The following UGT1A8 variants were observed in gnomAD, a reference collection of about 807,000 sequenced individuals.
The protein encoded by UGT1A8 is UDP glucuronosyltransferase family 1 member A8, also known as UDP-glucuronosyltransferase 1A8.
A neutral mutation model predicts 45.3 loss-of-function variants in UGT1A8; 39 were observed. That is an observed-to-expected ratio of 0.86 (90% confidence interval 0.67 to 1.12). The LOEUF is 1.12. Among genes scored for constraint, UGT1A8 ranks in the 50% most tolerant of loss-of-function variants. The pLI is 0.00. For synonymous variants in UGT1A8, 275 were observed against 249.2 expected (o/e 1.10, Z -0.97); for missense variants, 719 against 664.9 (o/e 1.08, Z -0.90).
chr2:233,626,307 AT>A (rs61214531), intron 1 of UGT1A8, among the ~76,000 whole-genome samples: 5 of 148,656 alleles, frequency 3.4e-5, no homozygotes, highest in African/African-American at 9.8e-5. Flanking sequence ...GTGTAAGGCC[AT>A]TTTTTTTTTC....
In UGT1A8 at chr2:233,640,242, C is replaced by A. The variant is rs11902812; in HGVS notation, c.855+21680C>A. Among the ~76,000 whole-genome samples the A allele has an allele frequency of 5.0e-3, 756 of 152,232 alleles. 6 individuals are homozygous for A. The highest frequency in any genetic ancestry group is 0.017 in the African/African-American group (716 of 41,542). On this transcript the variant is annotated intron_variant, in intron 1 of 4. Transcript: ENST00000373450. ...TGAAAAGACTATAGTGTAATGTGCA[C>A]CTGTATATCAATCCTTAGGCTAAAT...
intron 1 of UGT1A8, among the ~76,000 whole-genome samples, chr2:233,697,345 G>A (rs1268533555): frequency 1.3e-5 from 2 of 151,914 alleles, no homozygotes; most frequent in Non-Finnish European, 2.9e-5. Context: ...TTTCCTCTAG[G>A]TTTTCTAATT....
intron 1 of UGT1A8, among the ~76,000 whole-genome samples, chr2:233,703,429 CTCTATT>C (rs2075738340): frequency 6.6e-6 from 1 of 151,928 alleles, no homozygotes; most frequent in Admixed American, 6.6e-5. Context: ...TCTATTGCTT[CTCTATT>C]TCTATGTCGT....
At position 233,682,539 on chromosome 2, in the gene UGT1A8, T is replaced by A. The variant is rs138921290; in HGVS notation, c.855+63977T>A. ...CTTCTCTTAGGGTTCTCAGACGCCA[T>A]GACTTTCAAGGAGAGAGTATGGAAC... On this transcript the variant is annotated intron_variant, in intron 1 of 4. Coordinates refer to ENST00000373450, the MANE Select transcript of UGT1A8 (RefSeq NM_019076.5). 6.2e-7 allele frequency: 1 copy of A among 1,613,944 alleles called. No homozygotes were observed. Among genetic ancestry groups the A allele is most frequent in the South Asian group, 1.1e-5 (1 of 91,076 alleles).
intron 1 of UGT1A8, chr2:233,744,085 T>A: frequency 2.3e-6 from 1 of 436,802 alleles, no homozygotes; most frequent in Non-Finnish European, 3.9e-6. Flanking sequence ...CATCCCAAGA[T>A]GCAGTGCTTC....
intron 1 of UGT1A8, chr2:233,747,623 G>T: frequency 6.3e-7 from 1 of 1,577,752 alleles, no homozygotes; most frequent in Admixed American, 1.7e-5. Context: ...ATGAGGCCCT[G>T]ATCAGGCACC....
intron 1 of UGT1A8, among the ~76,000 whole-genome samples, chr2:233,650,788 G>A (rs1271373670): frequency 6.6e-6 from 1 of 152,046 alleles, no homozygotes; most frequent in African/African-American, 2.4e-5. Flanking sequence ...ATTCAGACAT[G>A]TTTTAACAAG....
chr2:233,719,731 A>G (rs906516699), intron 1 of UGT1A8: 3 of 1,613,372 alleles, frequency 1.9e-6, no homozygotes, highest in African/African-American at 2.7e-5. Flanking sequence ...CAGGCAAAAC[A>G]CTTTTTAAAA....
chr2:233,767,714 TCA>T (rs1424650372), intron 2 of UGT1A8, 133 bp from the exon 3 acceptor site: 27 of 1,536,346 alleles, frequency 1.8e-5, no homozygotes, highest in Non-Finnish European at 2.3e-5. Flanking sequence ...TCAGAAGCCT[TCA>T]CAGTTACTGA....
rs1700541312 is a variant in UGT1A8 at position 233,772,678 on chromosome 2, A to T, written c.*119A>T. On this transcript the variant is annotated 3_prime_UTR_variant, in exon 5 of 5. Transcript: ENST00000373450. ...TTAAGGAAATACTTTGCATAAATTA[A>T]TCAGCCCCAGAGTGCTTTAAAAAAT... The T allele has an allele frequency of 6.5e-7, 1 of 1,531,784 alleles. No homozygotes were observed. The highest frequency in any genetic ancestry group is 1.4e-5 in the African/African-American group (1 of 72,498). 94.9% of individuals were successfully genotyped at this position (1,531,784 alleles called of 1,614,324 possible).
chr2:233,626,069 G>A (rs1164049036), intron 1 of UGT1A8, among the ~76,000 whole-genome samples: 1 of 152,062 alleles, frequency 6.6e-6, no homozygotes, highest in Non-Finnish European at 1.5e-5. Context: ...AAGAGGTAGA[G>A]GAGGTGGAAG....
chr2:233,708,741 AC>A (rs1376464214), intron 1 of UGT1A8: 6 of 151,844 alleles, frequency 4.0e-5, no homozygotes, highest in African/African-American at 1.2e-4. Flanking sequence ...ACAGAGCAAG[AC>A]CCTGACCAAC....
At chr2:233,734,824 TTGAG>T (rs1349043445) in intron 1 of UGT1A8, among the ~76,000 whole-genome samples, 2 of 152,248 alleles carry the variant, frequency 1.3e-5, no homozygotes, top group African/African-American at 4.8e-5. Flanking sequence ...TTGTGCGATT[TTGAG>T]TGAGTTTCTT....
At chr2:233,717,042 C>A (rs1248182808) in intron 1 of UGT1A8, among the ~76,000 whole-genome samples, 1 of 152,282 alleles carries the variant, frequency 6.6e-6, no homozygotes, top group South Asian at 2.1e-4. Context: ...GATACATGGG[C>A]CTCCGCAGGG....
At chr2:233,770,801 A>C (rs1025526475) in intron 4 of UGT1A8, 2 of 152,250 alleles carry the variant, frequency 1.3e-5, no homozygotes, top group African/African-American at 4.8e-5. Flanking sequence ...ATATGTTTAA[A>C]GACAGTGTAT....
chr2:233,649,413 A>G (rs1003095004), intron 1 of UGT1A8, among the ~76,000 whole-genome samples: 1 of 152,220 alleles, frequency 6.6e-6, no homozygotes, highest in Non-Finnish European at 1.5e-5. Context: ...TGAAAATTTC[A>G]TTTTTAACTA....
chr2:233,695,907 T>C (rs1160810678), intron 1 of UGT1A8, among the ~76,000 whole-genome samples: 6 of 152,140 alleles, frequency 3.9e-5, no homozygotes, highest in African/African-American at 1.4e-4. Flanking sequence ...GTGGGGTTTT[T>C]TTTCTCCACA....
intron 1 of UGT1A8, among the ~76,000 whole-genome samples, chr2:233,757,427 A>G (rs934083320): frequency 5.3e-5 from 8 of 151,486 alleles, no homozygotes; most frequent in South Asian, 2.1e-4. Context: ...AAAGAGAAGA[A>G]AAGTCACTTC....
chr2:233,636,439 T>A, intron 1 of UGT1A8: 1 of 1,519,718 alleles, frequency 6.6e-7, no homozygotes, highest in Admixed American at 2.2e-5. Flanking sequence ...TCTATTGGGG[T>A]CAGGTTTTGT....
Sources: gnomAD v4.1 joint callset for allele counts (sites outside exome capture counted in the v4.1 genomes callset) on GRCh38, gnomAD v4.1.1 for gene constraint, MANE v1.5 for transcripts, NCBI Gene and HGNC (gene_info 2026-07-23, HGNC 2026-07-21) for gene names.